The following THSD7A variants were observed in gnomAD, a reference collection of about 807,000 sequenced individuals.
The protein encoded by THSD7A is thrombospondin type 1 domain containing 7A.
Under a neutral mutation model 231.3 loss-of-function variants are expected in THSD7A, and 96 were observed. That is an observed-to-expected ratio of 0.41 (90% confidence interval 0.35 to 0.49). The LOEUF is 0.49. Among genes scored for constraint, THSD7A ranks in the 20% least tolerant of loss-of-function variants. The pLI, the probability that THSD7A is intolerant of heterozygous loss-of-function variation, is 0.05. For synonymous variants in THSD7A, 940 were observed against 743.3 expected (o/e 1.26, Z -4.30); for missense variants, 2,290 against 2,070.2 (o/e 1.11, Z -2.06).
intron 2 of THSD7A, among the ~76,000 whole-genome samples, chr7:11,615,649 T>C (rs1381963434): frequency 1.3e-5 from 2 of 152,170 alleles, no homozygotes; most frequent in Non-Finnish European, 2.9e-5. Flanking sequence ...TATTTATAAG[T>C]GGTGGTCAGC....
chr7:11,461,592 C>T (rs2128298391), intron 10 of THSD7A, among the ~76,000 whole-genome samples: 1 of 152,302 alleles, frequency 6.6e-6, no homozygotes, highest in South Asian at 2.1e-4. Context: ...GATGTCATTT[C>T]CTGAGCCAGA....
At chr7:11,428,815 C>T in intron 14 of THSD7A, 132 bp downstream of exon 14, 1 of 951,726 alleles carries the variant, frequency 1.1e-6, no homozygotes, top group Non-Finnish European at 1.6e-6. Context: ...TGTATTTATT[C>T]AGGCATTCTA....
intron 19 of THSD7A, chr7:11,410,351 C>G (rs572371702): frequency 6.6e-6 from 1 of 152,212 alleles, no homozygotes; most frequent in East Asian, 1.9e-4. Flanking sequence ...TTACTGTGGG[C>G]TATAATAACC....
At chr7:11,421,430 C>T (rs1784139082) in intron 16 of THSD7A, among the ~76,000 whole-genome samples, 1 of 149,958 alleles carries the variant, frequency 6.7e-6, no homozygotes, top group African/African-American at 2.5e-5. Flanking sequence ...CTGAAGGCTC[C>T]CGAGCCATGT....
At chr7:11,753,808 C>A (rs201743288) in intron 1 of THSD7A, among the ~76,000 whole-genome samples, 3 of 150,896 alleles carry the variant, frequency 2.0e-5, no homozygotes, top group Non-Finnish European at 4.4e-5. Context: ...GAGAGAGAGA[C>A]AGAGAGAAAC....
At position 11,643,450 on chromosome 7, in the gene THSD7A, C is replaced by T. The variant is rs144171637; in HGVS notation, c.191-6489G>A. 7.3e-3 allele frequency among the ~76,000 whole-genome samples: 1,108 copies of T among 152,124 alleles called. 11 individuals carry two copies. Among genetic ancestry groups the T allele is most frequent in the African/African-American group, 0.025 (1,043 of 41,530 alleles). ...ACTAAAGATAACTAATCCTAGTCAT[C>T]GTATTTTGCTGTCCTTCTACTAGGC... On this transcript the variant is annotated intron_variant, in intron 1 of 27. Coordinates refer to ENST00000423059, the MANE Select transcript of THSD7A (RefSeq NM_015204.3).
In THSD7A at chr7:11,521,678, A is replaced by G. The variant is rs1171873277; in HGVS notation, c.1822+19741T>C. Among the ~76,000 whole-genome samples, 7 of 131,228 alleles carry G rather than the reference A, an allele frequency of 5.3e-5. 1 individual carries two copies. The highest frequency in any genetic ancestry group is 1.8e-4 in the African/African-American group (6 of 33,152). 86.1% of individuals were successfully genotyped at this position (131,228 alleles called of 152,430 possible). ...CATCTAGCATTAGGTATATCTCCCAATGCTATCCCTCCCCCCTCCCCCGAC... is the reference window on the plus strand; with the variant it reads ...CATCTAGCATTAGGTATATCTCCCAGTGCTATCCCTCCCCCCTCCCCCGAC... On this transcript the variant is annotated intron_variant, in intron 6 of 27. Transcript: ENST00000423059.
At chr7:11,623,235 A>G (rs1309334466) in intron 2 of THSD7A, among the ~76,000 whole-genome samples, 2 of 152,156 alleles carry the variant, frequency 1.3e-5, no homozygotes, top group Non-Finnish European at 2.9e-5. Flanking sequence ...GCAGGGAGAG[A>G]ACATGAGATT....
chr7:11,474,354 C>T lies in THSD7A; in HGVS notation c.2232G>A (p.Val744=). 1 of 1,612,134 alleles carries T rather than the reference C, an allele frequency of 6.2e-7. No homozygotes were observed. The highest frequency in any genetic ancestry group is 1.3e-5 in the African/African-American group (1 of 74,974). The change falls in exon 8 of 28, where the codon GTG becomes GTA. Residue 744 remains valine (V), a synonymous_variant. Coordinates refer to ENST00000423059, the MANE Select transcript of THSD7A (RefSeq NM_015204.3). The surrounding 1 kb of genome is among the most constrained non-coding windows in gnomAD (Gnocchi z 4.1). The stretch of plus-strand genomic sequence containing the variant: ...CTTACTTTTTGGGTCCCACTTGGCC[C>T]ACATTGACTCGCACACAGATGACTT... ...TRKVICVRVN[V]GQVGPKKCPE... is the part of the protein sequence containing the mutation.
Position 11,766,219 on chromosome 7 carries a change from T to A in THSD7A, c.190+65538A>T, listed in dbSNP as rs549976217. Among the ~76,000 whole-genome samples, 11 of 152,256 alleles carry A rather than the reference T, an allele frequency of 7.2e-5. No homozygotes were observed. In the East Asian group the frequency reaches 2.1e-3, roughly 29 times the overall value. On this transcript the variant is annotated intron_variant, in intron 1 of 27. Transcript: ENST00000423059. Reference sequence around the variant, plus strand: ...ACAGTCCATTTAGCAATCACAATATTTCCTATAAGTTAGATAAATTGACCA... The same window carrying A: ...ACAGTCCATTTAGCAATCACAATATATCCTATAAGTTAGATAAATTGACCA...
At position 11,474,580 on chromosome 7, in the gene THSD7A, G is replaced by T. The variant is rs1481417044; in HGVS notation, c.2018-12C>A. Reference sequence around the variant, plus strand: ...ACAGCGAATTCCACCTAAAAACATGGACAATGATAGCAAATTAGATACGGT... The same window carrying T: ...ACAGCGAATTCCACCTAAAAACATGTACAATGATAGCAAATTAGATACGGT... On this transcript the variant is annotated splice_polypyrimidine_tract_variant and intron_variant, in intron 7 of 27. Coordinates refer to ENST00000423059, the MANE Select transcript of THSD7A (RefSeq NM_015204.3). The surrounding 1 kb of genome is among the most constrained non-coding windows in gnomAD (Gnocchi z 4.1). 3 of 1,578,482 alleles carry T rather than the reference G, an allele frequency of 1.9e-6. No homozygotes were observed. The South Asian group carries it at 3.4e-5, about 18-fold the overall frequency.
intron 1 of THSD7A, among the ~76,000 whole-genome samples, chr7:11,777,383 A>T (rs1042968746): frequency 1.3e-5 from 2 of 151,330 alleles, no homozygotes; most frequent in East Asian, 2.0e-4. Context: ...ATAATAGTGT[A>T]AAAAAAACTA....
chr7:11,487,353 T>C (rs73068778), intron 6 of THSD7A, among the ~76,000 whole-genome samples: 20,697 of 152,114 alleles, frequency 0.14, 1,571 homozygotes, highest in Middle Eastern at 0.19. Context: ...TAAAAGTATA[T>C]ACTGAAAGTT....
intron 1 of THSD7A, among the ~76,000 whole-genome samples, chr7:11,705,002 C>T (rs1780718790): frequency 6.6e-6 from 1 of 151,058 alleles, no homozygotes; most frequent in Admixed American, 6.6e-5. Context: ...CATCAGTTGA[C>T]ACGTCAGAAC....
At chr7:11,764,175 G>A (rs1038435440) in intron 1 of THSD7A, among the ~76,000 whole-genome samples, 6 of 152,190 alleles carry the variant, frequency 3.9e-5, no homozygotes, top group African/African-American at 1.2e-4. Context: ...CACTAAGGTA[G>A]AAAGAGTACG....
intron 1 of THSD7A, among the ~76,000 whole-genome samples, chr7:11,800,277 G>A (rs956338084): frequency 2.0e-5 from 3 of 152,148 alleles, no homozygotes; most frequent in South Asian, 2.1e-4. Flanking sequence ...AGCCAGGCGC[G>A]GTGGCTCACA....
chr7:11,779,277 A>G (rs143029288), intron 1 of THSD7A, among the ~76,000 whole-genome samples: 50 of 152,216 alleles, frequency 3.3e-4, no homozygotes, highest in African/African-American at 1.1e-3. Flanking sequence ...CAATGTTAAT[A>G]TTATCTCATC....
chr7:11,624,951 A>AT (rs1478587190), intron 2 of THSD7A, among the ~76,000 whole-genome samples: 5 of 152,110 alleles, frequency 3.3e-5, no homozygotes, highest in Non-Finnish European at 7.4e-5. Flanking sequence ...AGAGAAGTAT[A>AT]TTTTTGATAA....
intron 1 of THSD7A, among the ~76,000 whole-genome samples, chr7:11,777,414 T>TACACACAC (rs66487858): frequency 6.1e-5 from 9 of 147,280 alleles, no homozygotes; most frequent in Admixed American, 2.0e-4. Flanking sequence ...GTAAATTAAG[T>TACACACAC]ACACACACAC....
Sources: gnomAD v4.1 joint callset for allele counts (sites outside exome capture counted in the v4.1 genomes callset) on GRCh38, gnomAD v4.1.1 for gene constraint, Gnocchi (gnomAD v3.1) non-coding constraint, MANE v1.5 for transcripts, NCBI Gene and HGNC (gene_info 2026-07-23, HGNC 2026-07-21) for gene names.